The following PKN3 variants were observed in gnomAD, a reference collection of about 807,000 sequenced individuals.
PKN3 encodes the protein serine/threonine-protein kinase N3.
Under a neutral mutation model 113.1 loss-of-function variants are expected in PKN3, and 91 were observed. The observed-to-expected ratio is 0.80, with a 90% CI of 0.68 to 0.96. The LOEUF (loss-of-function observed/expected upper bound fraction) is 0.96, where lower values mean the gene tolerates loss of function less well. Ranked by LOEUF, PKN3 falls within the 40% of genes least tolerant of loss-of-function variation. PKN3 has a pLI of 0.00. For missense variants in PKN3, 1,052 were observed against 1,202.2 expected (o/e 0.88, Z 1.85); for synonymous variants, 467 against 499.0 (o/e 0.94, Z 0.85).
At position 128,706,750 on chromosome 9, in the gene PKN3, G is replaced by A. The variant is rs371687806; in HGVS notation, c.449G>A (p.Arg150Gln). Residue 150 changes from arginine (R) to glutamine (Q), a missense_variant, in exon 4 of 22, where the codon CGG (arginine) becomes CAG (glutamine). Arg to Gln is a conservative substitution (Grantham distance 43). Transcript: ENST00000291906. ...KLLAAAQQML[R>Q]DSQLKVALLR... ...CTGGCAGCTGCCCAGCAGATGCTGC[G>A]GGACAGCCAGCTGAAGGTGGCCCTG... 8.7e-5 allele frequency: 140 copies of A among 1,604,316 alleles called. 1 individual carries two copies. Among genetic ancestry groups the A allele is most frequent in the Non-Finnish European group, 1.1e-4 (130 of 1,175,546 alleles).
chr9:128,719,833 G>T lies in PKN3; in HGVS notation c.2268+5G>T. On this transcript the variant is annotated splice_donor_5th_base_variant and intron_variant, in intron 19 of 21. Coordinates refer to ENST00000291906, the MANE Select transcript of PKN3 (RefSeq NM_013355.5). ...TACGAGATGCTGGTGGGTGAGGTGAGTGCTGGAGCCTGTTTCCTGGGCCTC... is the reference window on the plus strand; with the variant it reads ...TACGAGATGCTGGTGGGTGAGGTGATTGCTGGAGCCTGTTTCCTGGGCCTC... 6.2e-7 allele frequency: 1 copy of T among 1,608,998 alleles called. No individual in the cohort carries two copies. Among genetic ancestry groups the T allele is most frequent in the African/African-American group, 1.3e-5 (1 of 74,692 alleles).
Position 128,719,966 on chromosome 9 carries a change from C to T in PKN3, c.2325C>T (p.Asp775=), listed in dbSNP as rs4837298. ...EEVFDCIVNM[D]APYPGFLSVQ... ...TGTTTGACTGCATCGTCAACATGGA[C>T]GCCCCCTACCCCGGCTTTCTGTCGG... The change falls in exon 20 of 22, where the codon GAC becomes GAT. Residue 775 remains aspartate (D), a synonymous_variant. Coordinates refer to ENST00000291906, the MANE Select transcript of PKN3 (RefSeq NM_013355.5). 17 of 1,614,092 alleles carry T rather than the reference C, an allele frequency of 1.1e-5. No homozygotes were observed. Among genetic ancestry groups the T allele is most frequent in the Non-Finnish European group, 1.4e-5 (16 of 1,179,964 alleles).
At chr9:128,713,899 A>C in intron 9 of PKN3, 147 bp from the exon 10 acceptor site, 1 of 827,086 alleles carries the variant, frequency 1.2e-6, no homozygotes, top group Non-Finnish European at 2.0e-6. Flanking sequence ...AGTATCAATG[A>C]GGACATTGAA....
intron 1 of PKN3, chr9:128,703,407 G>A: frequency 1.0e-6 from 1 of 985,452 alleles, no homozygotes; most frequent in Non-Finnish European, 1.2e-6. Flanking sequence ...GAGCACAGGA[G>A]GCACGAGGGG....
intron 1 of PKN3, chr9:128,703,638 G>A (rs1343594077): frequency 4.1e-6 from 4 of 985,322 alleles, no homozygotes; most frequent in Non-Finnish European, 4.8e-6. Context: ...GCGGACAGGA[G>A]TGGGTCCCCG....
Position 128,706,832 on chromosome 9 carries a change from C to T in PKN3, c.523+8C>T. Reference sequence around the variant, plus strand: ...GTGGGTCCCCGGAGCCAGGTGAGGCCTTGAGACACAGGGAGGGCGGAGCAG... The same window carrying T: ...GTGGGTCCCCGGAGCCAGGTGAGGCTTTGAGACACAGGGAGGGCGGAGCAG... On this transcript the variant is annotated splice_region_variant and intron_variant, in intron 4 of 21. Transcript: ENST00000291906. 11 of 1,612,204 alleles carry T rather than the reference C, an allele frequency of 6.8e-6. No individual in the cohort carries two copies. Among genetic ancestry groups the T allele is most frequent in the Non-Finnish European group, 9.3e-6 (11 of 1,178,752 alleles).
intron 15 of PKN3, 72 bp from the exon 16 acceptor site, chr9:128,716,675 T>G: frequency 8.2e-7 from 1 of 1,225,180 alleles, no homozygotes; most frequent in South Asian, 1.4e-5. Context: ...GAGCCAGGGG[T>G]GTTGTGCAGG....
rs370437812 is a variant in PKN3, at chr9:128,715,441, A to C, written c.1789A>C (p.Ser597Arg). 5.9e-5 allele frequency: 95 copies of C among 1,613,684 alleles called. No individual in the cohort carries two copies. The highest frequency in any genetic ancestry group is 7.8e-5 in the Non-Finnish European group (92 of 1,179,900). ...IKALKKQEVL[S>R]RDEIESLYCE... Reference sequence around the variant, plus strand: ...AGCACTGAAGAAGCAGGAGGTGCTCAGCCGGGACGAGATAGAGAGGTGTGT... The same window carrying C: ...AGCACTGAAGAAGCAGGAGGTGCTCCGCCGGGACGAGATAGAGAGGTGTGT... The change falls in exon 15 of 22, where the codon AGC becomes CGC. Residue 597 changes from serine to arginine, a missense_variant. Ser to Arg is a moderately radical substitution (Grantham distance 110, BLOSUM62 -1). Around this residue, in one of 2 missense-constraint regions of PKN3, gnomAD observed 333 missense variants for 442.8 expected, o/e 0.75. Transcript: ENST00000291906. This position sits in a 1 kb window ranked among gnomAD's most constrained non-coding sequence, Gnocchi z 4.1.
chr9:128,715,124 C>T lies in PKN3; in HGVS notation c.1653-48C>T. On this transcript the variant is annotated intron_variant, in intron 13 of 21. Coordinates refer to ENST00000291906, the MANE Select transcript of PKN3 (RefSeq NM_013355.5). The surrounding 1 kb of genome is among the most constrained non-coding windows in gnomAD (Gnocchi z 4.1). ...GGCTTGGAGTGGCTCTGGGTAGGGG[C>T]CCAGCCAGTGCCCTAGGGGACTTCA... 2 of 1,585,040 alleles carry T rather than the reference C, an allele frequency of 1.3e-6. No individual in the cohort carries two copies. The highest frequency in any genetic ancestry group is 1.7e-6 in the Non-Finnish European group (2 of 1,154,488).
chr9:128,705,940 C>T, intron 3 of PKN3, 61 bp downstream of exon 3: 1 of 1,469,258 alleles, frequency 6.8e-7, no homozygotes, highest in Non-Finnish European at 9.1e-7. Context: ...GGGAAATGCA[C>T]CTCAGCCATT....
At position 128,706,886 on chromosome 9, in the gene PKN3, C is replaced by T. The variant is rs1862034889; in HGVS notation, c.524-10C>T. The T allele has an allele frequency of 6.2e-7, 1 of 1,614,022 alleles. No homozygotes were observed. The highest frequency in any genetic ancestry group is 8.5e-7 in the Non-Finnish European group (1 of 1,179,996). On this transcript the variant is annotated splice_polypyrimidine_tract_variant and intron_variant, in intron 4 of 21. Transcript: ENST00000291906. ...AGAGCAGGGCCTGAGAGCCGCCGTC[C>T]TTCCCACAGGGCCTGAGCTGCTGGC...
chr9:128,716,625 C>A, intron 15 of PKN3, 122 bp from the exon 16 acceptor site: 1 of 710,166 alleles, frequency 1.4e-6, no homozygotes, highest in East Asian at 2.5e-5. Flanking sequence ...GAAAAGAAAC[C>A]ATCAGTCTAC....
intron 16 of PKN3, 113 bp from the exon 17 acceptor site, chr9:128,718,212 T>C: frequency 1.2e-6 from 1 of 808,100 alleles, no homozygotes; most frequent in Non-Finnish European, 2.2e-6. Context: ...CACTCATCTC[T>C]GACTCTGGCC....
intron 9 of PKN3, 142 bp from the exon 10 acceptor site, chr9:128,713,904 A>C: frequency 2.3e-6 from 2 of 865,158 alleles, no homozygotes; most frequent in Non-Finnish European, 3.7e-6. Context: ...CAATGAGGAC[A>C]TTGAATCTGT....
chr9:128,703,110 T>G (rs920218390), intron 1 of PKN3, among the ~76,000 whole-genome samples, 171 bp downstream of exon 1: 2 of 152,088 alleles, frequency 1.3e-5, no homozygotes, highest in Non-Finnish European at 2.9e-5. Context: ...AGACCTGATC[T>G]CCGGGTTCGG....
At position 128,718,596 on chromosome 9, in the gene PKN3, A is replaced by G; in HGVS notation, c.2096A>G (p.Lys699Arg). Residue 699 changes from lysine to arginine, a missense_variant, in exon 18 of 22, where the codon AAG becomes AGG. By Grantham distance (26) the Lys-to-Arg change is conservative (BLOSUM62 2). Transcript: ENST00000291906. ...CTGCTGGATGCCCAGGGATTCCTGA[A>G]GATCGCAGACTTTGGACTCTGCAAG... ...NLLLDAQGFL[K>R]IADFGLCKEG... The G allele has an allele frequency of 2.5e-6, 4 of 1,614,106 alleles. No homozygotes were observed. Among genetic ancestry groups the G allele is most frequent in the Non-Finnish European group, 3.4e-6 (4 of 1,180,014 alleles).
Position 128,718,356 on chromosome 9 carries a change from C to T in PKN3, c.2017C>T (p.Gln673Ter). 6.2e-7 allele frequency: 1 copy of T among 1,611,950 alleles called. No homozygotes were observed. The highest frequency in any genetic ancestry group is 8.5e-7 in the Non-Finnish European group (1 of 1,179,070). ...FYVACVVLGLQFLHEKKIIYR... is the reference protein window; with the variant it reads ...FYVACVVLGL ...CGTGGCTTGTGTTGTCCTGGGGCTGCAGTTCTTACACGAGAAGAAGATCAT... is the reference window on the plus strand; with the variant it reads ...CGTGGCTTGTGTTGTCCTGGGGCTGTAGTTCTTACACGAGAAGAAGATCAT... Residue 673 changes from glutamine to a stop codon, truncating the protein, a stop_gained, in exon 17 of 22, where the codon CAG becomes TAG. Coordinates refer to ENST00000291906, the MANE Select transcript of PKN3 (RefSeq NM_013355.5). LOFTEE classifies it high-confidence loss of function.
intron 5 of PKN3, 25 bp downstream of exon 5, chr9:128,707,048 C>T: frequency 6.2e-7 from 1 of 1,613,966 alleles, no homozygotes; most frequent in Non-Finnish European, 8.5e-7. Flanking sequence ...CTGGCCCTCT[C>T]CTAAGGCTGG....
In PKN3 at chr9:128,706,885, C is replaced by T. The variant is rs772558069; in HGVS notation, c.524-11C>T. The T allele has an allele frequency of 6.2e-7, 1 of 1,614,038 alleles. No homozygotes were observed. The highest frequency in any genetic ancestry group is 8.5e-7 in the Non-Finnish European group (1 of 1,180,002). ...AAGAGCAGGGCCTGAGAGCCGCCGT[C>T]CTTCCCACAGGGCCTGAGCTGCTGG... On this transcript the variant is annotated splice_polypyrimidine_tract_variant and intron_variant, in intron 4 of 21. Transcript: ENST00000291906.
Sources: allele counts gnomAD v4.1 joint callset (sites outside exome capture counted in the v4.1 genomes callset), GRCh38; gene constraint gnomAD v4.1.1; regional missense constraint gnomAD v4.1.1; non-coding constraint Gnocchi (gnomAD v3.1); transcripts MANE v1.5; gene names NCBI Gene and HGNC (gene_info 2026-07-23, HGNC 2026-07-21).